DOCK4: variants seen among roughly 807,000 people sequenced by gnomAD.
DOCK4 encodes the protein dedicator of cytokinesis protein 4.
A neutral mutation model predicts 268.1 loss-of-function variants in DOCK4; 97 were observed. The ratio of observed to expected loss-of-function variants is 0.36; its 90% CI spans 0.31 to 0.43. The LOEUF (loss-of-function observed/expected upper bound fraction) is 0.43. DOCK4 is among the 20% of genes least tolerant of loss of function. The pLI, the probability that DOCK4 is intolerant of heterozygous loss-of-function variation, is 1.00. For missense variants in DOCK4, 2,145 were observed against 2,455.7 expected, an observed-to-expected ratio of 0.87 and a Z score of 2.67; for synonymous variants, 954 against 887.2, an observed-to-expected ratio of 1.08 and a Z score of -1.34.
intron 1 of DOCK4, among the ~76,000 whole-genome samples, chr7:112,044,356 G>A (rs1473559034): frequency 6.6e-6 from 1 of 152,156 alleles, no homozygotes. Flanking sequence ...CCAAAAACCT[G>A]TGTCCTTGGG....
At chr7:111,746,283 C>A in intron 44 of DOCK4, 51 bp downstream of exon 44, 1 of 1,485,230 alleles carries the variant, frequency 6.7e-7, no homozygotes, top group Non-Finnish European at 9.3e-7. Flanking sequence ...TCTAGGTAAG[C>A]AAGCACATAT....
chr7:112,140,691 G>A (rs898889012), intron 1 of DOCK4, among the ~76,000 whole-genome samples: 8 of 149,920 alleles, frequency 5.3e-5, no homozygotes, highest in South Asian at 2.1e-4. Context: ...AAACATACAC[G>A]GAAGAATTTT....
chr7:111,816,931 T>C (rs1801602564), intron 27 of DOCK4, among the ~76,000 whole-genome samples: 1 of 152,204 alleles, frequency 6.6e-6, no homozygotes, highest in Non-Finnish European at 1.5e-5. Flanking sequence ...GATTTTGCTT[T>C]CAGTCAATGG....
chr7:111,760,247 G>C lies in DOCK4; in HGVS notation c.4096C>G (p.Pro1366Ala), dbSNP rs1327773617. ...AFQQRMLNEF[P>A]HAIAMQHANQ... is the part of the protein sequence containing the mutation. ...GCGTGCTGCATGGCGATGGCATGGG[G>C]GAACTCGTTCAGCATTCTCTGTTGG... Residue 1366 changes from proline (P) to alanine (A), a missense_variant, in exon 40 of 53, where the codon CCC becomes GCC. By Grantham distance (27) the Pro-to-Ala change is conservative. Transcript: ENST00000428084. 1.2e-6 allele frequency: 2 copies of C among 1,613,988 alleles called. No individual in the cohort carries two copies. Among genetic ancestry groups the C allele is most frequent in the Non-Finnish European group, 1.7e-6 (2 of 1,179,880 alleles).
intron 1 of DOCK4, among the ~76,000 whole-genome samples, chr7:112,049,126 AT>A (rs924447937): frequency 5.3e-5 from 8 of 151,654 alleles, no homozygotes; most frequent in South Asian, 4.2e-4. Context: ...ATGGGTAAAT[AT>A]TTTTTTTTGA....
intron 52 of DOCK4, among the ~76,000 whole-genome samples, chr7:111,730,729 C>G (rs995273767): frequency 1.3e-5 from 2 of 152,042 alleles, no homozygotes; most frequent in Non-Finnish European, 2.9e-5. Flanking sequence ...CCTAATGTAA[C>G]CCAGGAGGTA....
At chr7:111,988,966 T>C in intron 6 of DOCK4, 49 bp downstream of exon 6, 1 of 1,565,760 alleles carries the variant, frequency 6.4e-7, no homozygotes, top group South Asian at 1.2e-5. Flanking sequence ...CTATGTCACT[T>C]CCATTGTGTT....
At chr7:111,982,115 T>A (rs902008868) in intron 7 of DOCK4, among the ~76,000 whole-genome samples, 1 of 152,170 alleles carries the variant, frequency 6.6e-6, no homozygotes, top group Non-Finnish European at 1.5e-5. Flanking sequence ...ATTAAAGTAT[T>A]TGAATCAACT....
At chr7:111,729,205 C>T (rs1202483671) in intron 52 of DOCK4, among the ~76,000 whole-genome samples, 4 of 152,160 alleles carry the variant, frequency 2.6e-5, no homozygotes, top group Non-Finnish European at 1.5e-5. Context: ...CGTTTATCTG[C>T]GAGGGCCACC....
intron 23 of DOCK4, among the ~76,000 whole-genome samples, chr7:111,859,150 C>T (rs1030482553): frequency 3.9e-5 from 6 of 152,090 alleles, no homozygotes; most frequent in Non-Finnish European, 5.9e-5. Context: ...TGCTGAGTAG[C>T]GGGGACCACA....
chr7:111,929,981 A>G (rs918249068), intron 12 of DOCK4, among the ~76,000 whole-genome samples: 1 of 152,212 alleles, frequency 6.6e-6, no homozygotes, highest in Non-Finnish European at 1.5e-5. Context: ...TGCCTCAGTA[A>G]ATCATATTGG....
At chr7:112,150,743 C>T (rs1239170620) in intron 1 of DOCK4, among the ~76,000 whole-genome samples, 1 of 152,178 alleles carries the variant, frequency 6.6e-6, no homozygotes, top group Admixed American at 6.5e-5. Context: ...TTAATAAACA[C>T]CATCCTCAAC....
intron 12 of DOCK4, among the ~76,000 whole-genome samples, chr7:111,918,014 C>T (rs944747567): frequency 6.6e-6 from 1 of 152,032 alleles, no homozygotes; most frequent in African/African-American, 2.4e-5. Flanking sequence ...ATGAAAGTAG[C>T]GTTTTTTGGT....
intron 13 of DOCK4, among the ~76,000 whole-genome samples, chr7:111,909,148 T>C (rs1791875025): frequency 6.6e-6 from 1 of 152,250 alleles, no homozygotes; most frequent in Non-Finnish European, 1.5e-5. Context: ...AAAGTGTTCC[T>C]ATTTCTCCAC....
intron 13 of DOCK4, among the ~76,000 whole-genome samples, chr7:111,904,106 G>A (rs1033757850): frequency 6.6e-6 from 1 of 152,220 alleles, no homozygotes; most frequent in African/African-American, 2.4e-5. Context: ...AGGTGATAAG[G>A]GAGGTTTGCA....
intron 49 of DOCK4, 118 bp from the exon 50 acceptor site, chr7:111,737,107 TATG>T (rs547741055): frequency 5.0e-6 from 4 of 803,442 alleles, no homozygotes; most frequent in South Asian, 1.7e-5. Flanking sequence ...TTTTGTGTGA[TATG>T]ATGAGCCTAG....
intron 25 of DOCK4, 114 bp from the exon 26 acceptor site, chr7:111,834,800 G>A (rs1803109903): frequency 9.1e-6 from 6 of 661,910 alleles, no homozygotes; most frequent in Non-Finnish European, 1.4e-5. Context: ...AAATCACGAT[G>A]ATCCAAACTT....
At chr7:112,112,937 G>A (rs1811797836) in intron 1 of DOCK4, among the ~76,000 whole-genome samples, 2 of 152,138 alleles carry the variant, frequency 1.3e-5, no homozygotes. Context: ...CTTCAAGGAC[G>A]TGACAGGCTG....
intron 17 of DOCK4, among the ~76,000 whole-genome samples, chr7:111,874,862 T>C (rs577135688): frequency 1.3e-5 from 2 of 152,340 alleles, no homozygotes; most frequent in African/African-American, 4.8e-5. Flanking sequence ...CAGACACACT[T>C]TGGGAATTCT....
Sources: allele counts gnomAD v4.1 joint callset (sites outside exome capture counted in the v4.1 genomes callset), GRCh38; gene constraint gnomAD v4.1.1; transcripts MANE v1.5; gene names NCBI Gene and HGNC (gene_info 2026-07-23, HGNC 2026-07-21).